Variants in TECTA observed in about 807,000 individuals in gnomAD.
TECTA encodes the protein alpha-tectorin.
Under a neutral mutation model 216.8 loss-of-function variants are expected in TECTA, and 128 were observed. The observed-to-expected ratio is 0.59, with a 90% CI of 0.51 to 0.68. The LOEUF is 0.68. TECTA is among the 30% of genes least tolerant of loss of function. TECTA has a pLI of 0.00. For synonymous variants in TECTA, 1,089 were observed against 1,117.1 expected (o/e 0.97, Z 0.50); for missense variants, 2,551 against 2,786.2 (o/e 0.92, Z 1.90).
intron 10 of TECTA, 141 bp from the exon 11 acceptor site, chr11:121,137,280 A>G (rs1414614504): frequency 1.8e-6 from 2 of 1,108,558 alleles, no homozygotes; most frequent in Non-Finnish European, 2.7e-6. Context: ...GCACAAATGC[A>G]TGCATACACA....
At position 121,118,678 on chromosome 11, in the gene TECTA, A is replaced by G. The variant is rs1457570697; in HGVS notation, c.1163A>G (p.Tyr388Cys). The change falls in exon 7 of 24, where the codon TAC (tyrosine) becomes TGC (cysteine). Residue 388 changes from tyrosine to cysteine, a missense_variant. Coordinates refer to ENST00000392793, the MANE Select transcript of TECTA (RefSeq NM_005422.4). ...GAGCTCTCAGTGGAGGTGAATGGCT[A>G]CAAGATTCTCATCCCCAAAGGAAGC... The part of the protein sequence containing the change: ...VKELSVEVNG[Y>C]KILIPKGSYG... The G allele has an allele frequency of 6.2e-7, 1 of 1,613,980 alleles. No homozygotes were observed. The highest frequency in any genetic ancestry group is 1.7e-5 in the Admixed American group (1 of 60,018).
chr11:121,138,311 A>T lies in TECTA; in HGVS notation c.3543+289A>T, dbSNP rs1236302425. 2.0e-5 allele frequency among the ~76,000 whole-genome samples: 3 copies of T among 152,236 alleles called. No individual in the cohort carries two copies. The East Asian group carries it at 5.8e-4, about 29-fold the overall frequency. On this transcript the variant is annotated intron_variant, in intron 11 of 23. Transcript: ENST00000392793. ...CAGCAGAGCATGCTGGAGAGAGCACAGACCGAGGTTAGCATCCCTGCTTGG... is the reference window on the plus strand; with the variant it reads ...CAGCAGAGCATGCTGGAGAGAGCACTGACCGAGGTTAGCATCCCTGCTTGG...
rs1263854753 is a variant in TECTA, at chr11:121,158,054, G to A, written c.4519G>A (p.Ala1507Thr). ...TFDGAFLRFP[A>T]NCAFVLSTIC... is the part of the protein sequence containing the mutation. ...CGACGGCGCCTTCCTGCGCTTCCCA[G>A]CCAACTGCGCCTTCGTGCTGTCCAC... Residue 1507 changes from alanine (A) to threonine (T), a missense_variant, in exon 14 of 24, where the codon GCC (alanine) becomes ACC (threonine). By Grantham distance (58) the Ala-to-Thr change is moderately conservative. Around this residue, in one of 3 missense-constraint regions of TECTA, gnomAD observed 2,375 missense variants for 2,563.9 expected, o/e 0.93. Coordinates refer to ENST00000392793, the MANE Select transcript of TECTA (RefSeq NM_005422.4). The A allele has an allele frequency of 1.2e-6, 2 of 1,613,484 alleles. No individual in the cohort carries two copies. The highest frequency in any genetic ancestry group is 4.5e-5 in the East Asian group (2 of 44,892).
chr11:121,152,848 C>T (rs768317928), intron 12 of TECTA, 33 bp from the exon 13 acceptor site: 10 of 1,574,794 alleles, frequency 6.4e-6, no homozygotes, highest in Non-Finnish European at 7.8e-6. Context: ...GCCTTGTGAT[C>T]GTGCGAGTCT....
intron 10 of TECTA, among the ~76,000 whole-genome samples, 191 bp downstream of exon 10, chr11:121,130,402 CT>C (rs1432333563): frequency 2.6e-5 from 4 of 152,166 alleles, no homozygotes; most frequent in African/African-American, 9.7e-5. Flanking sequence ...CTCATCTTTA[CT>C]TTTTTTCCTA....
intron 11 of TECTA, among the ~76,000 whole-genome samples, chr11:121,139,683 C>A (rs1419689640): frequency 7.7e-6 from 1 of 130,334 alleles, no homozygotes; most frequent in Non-Finnish European, 1.5e-5. Flanking sequence ...GAGCAAGACT[C>A]TGTCTCAAAA....
intron 11 of TECTA, among the ~76,000 whole-genome samples, chr11:121,145,002 C>T (rs11218161): frequency 0.23 from 34,246 of 152,024 alleles, 4,153 homozygotes; most frequent in Non-Finnish European, 0.27. Flanking sequence ...TAATTCTGAC[C>T]ACGGGCTCAG....
In TECTA at chr11:121,187,895, C is replaced by T. The variant is rs2134215602; in HGVS notation, c.6063C>T (p.Arg2021=). 1 of 1,614,236 alleles carries T rather than the reference C, an allele frequency of 6.2e-7. No individual in the cohort carries two copies. Among genetic ancestry groups the T allele is most frequent in the Non-Finnish European group, 8.5e-7 (1 of 1,180,050 alleles). ...AGAATGCAGTCTCCCTGACCTGTCG[C>T]TTTCACGTCACCGTCTTTAAATTCA... ...IEENAVSLTC[R]FHVTVFKFIG... Residue 2021 remains arginine (R), a synonymous_variant, in exon 21 of 24, where the codon CGC becomes CGT. Coordinates refer to ENST00000392793, the MANE Select transcript of TECTA (RefSeq NM_005422.4).
In TECTA at chr11:121,113,121, C is replaced by T. The variant is rs762912420; in HGVS notation, c.536C>T (p.Thr179Ile). The T allele has an allele frequency of 5.6e-5, 90 of 1,614,134 alleles. No individual in the cohort carries two copies. The highest frequency in any genetic ancestry group is 7.5e-5 in the Non-Finnish European group (89 of 1,180,028). Residue 179 changes from threonine to isoleucine, a missense_variant, in exon 5 of 24, where the codon ACC (threonine) becomes ATC (isoleucine). Transcript: ENST00000392793. The surrounding 1 kb of genome is among the most constrained non-coding windows in gnomAD (Gnocchi z 4.2). ...GTGTCCGATGGCTCCTATACATTCACCCTCTTCAATTATTACGAAATCAAC... is the reference window on the plus strand; with the variant it reads ...GTGTCCGATGGCTCCTATACATTCATCCTCTTCAATTATTACGAAATCAAC... ...VLVSDGSYTF[T>I]LFNYYEINWT...
chr11:121,125,427 C>G lies in TECTA; in HGVS notation c.1329C>G (p.His443Gln), dbSNP rs1946598717. 1 of 1,614,222 alleles carries G rather than the reference C, an allele frequency of 6.2e-7. No individual in the cohort carries two copies. The highest frequency in any genetic ancestry group is 8.5e-7 in the Non-Finnish European group (1 of 1,180,040). Residue 443 changes from histidine to glutamine, a missense_variant, in exon 8 of 24, where the codon CAC (histidine) becomes CAG (glutamine). Physicochemically the swap from His to Gln is conservative, Grantham distance 24. Around this residue, in one of 3 missense-constraint regions of TECTA, gnomAD observed 2,375 missense variants for 2,563.9 expected, o/e 0.93. Transcript: ENST00000392793. ...TCTTAGTGACTTTTGATGGCCAGCA[C>G]TACGCCTCCATTTCCGTCCCAGGCT... ...FGLLVTFDGQ[H>Q]YASISVPGSY...
Position 121,125,554 on chromosome 11 carries a change from C to A in TECTA, c.1456C>A (p.Leu486Met). 1 of 1,614,150 alleles carries A rather than the reference C, an allele frequency of 6.2e-7. No individual in the cohort carries two copies. The highest frequency in any genetic ancestry group is 8.5e-7 in the Non-Finnish European group (1 of 1,180,044). Reference sequence around the variant, plus strand: ...CAGGCCGGCCATGTCTGTCCTGGATCTGGGAGAGAGCTGGCGTGTGTACCA... The same window carrying A: ...CAGGCCGGCCATGTCTGTCCTGGATATGGGAGAGAGCTGGCGTGTGTACCA... ...DGRPAMSVLD[L>M]GESWRVYHAD... The change falls in exon 8 of 24, where the codon CTG becomes ATG. Residue 486 changes from leucine (L) to methionine (M), a missense_variant. By Grantham distance (15) the Leu-to-Met change is conservative. Transcript: ENST00000392793.
chr11:121,130,166 A>T lies in TECTA; in HGVS notation c.2896A>T (p.Asn966Tyr). Residue 966 changes from asparagine to tyrosine, a missense_variant, in exon 10 of 24, where the codon AAT becomes TAT. By Grantham distance (143) the Asn-to-Tyr change is moderately radical. Coordinates refer to ENST00000392793, the MANE Select transcript of TECTA (RefSeq NM_005422.4). The stretch of plus-strand genomic sequence containing the variant: ...GGCCCGGTATGCAAGCGCCTGCAAG[A>T]ATGCGGACGTGGAGGTGGGGCCCTG... Reference protein sequence around the residue: ...SVARYASACKNADVEVGPWRT... With the variant: ...SVARYASACKYADVEVGPWRT... 6.2e-7 allele frequency: 1 copy of T among 1,605,068 alleles called. No homozygotes were observed. The highest frequency in any genetic ancestry group is 8.5e-7 in the Non-Finnish European group (1 of 1,179,970).
intron 11 of TECTA, 64 bp from the exon 12 acceptor site, chr11:121,145,491 T>G: frequency 6.4e-7 from 1 of 1,565,116 alleles, no homozygotes; most frequent in Non-Finnish European, 8.8e-7. Flanking sequence ...GACTCATCGT[T>G]AGGAGAAGAG....
chr11:121,111,966 AT>A (rs943321638), intron 4 of TECTA, among the ~76,000 whole-genome samples: 26 of 152,140 alleles, frequency 1.7e-4, no homozygotes, highest in African/African-American at 6.0e-4. Context: ...GAATGGGGAG[AT>A]TTGGGGCTTC....
chr11:121,166,421 T>C lies in TECTA; in HGVS notation c.5384-157T>C, dbSNP rs558823385. On this transcript the variant is annotated intron_variant, in intron 17 of 23. Transcript: ENST00000392793. ...TACTGCTTTGAATGAATTCATATGC[T>C]CATTTGGTTTGATCAAAGCATAATT... Among the ~76,000 whole-genome samples, 57 of 152,334 alleles carry C rather than the reference T, an allele frequency of 3.7e-4. No homozygotes were observed. The South Asian group carries it at 6.4e-3, about 17-fold the overall frequency.
At chr11:121,104,565 G>C (rs1946374660) in intron 2 of TECTA, among the ~76,000 whole-genome samples, 1 of 152,166 alleles carries the variant, frequency 6.6e-6, no homozygotes, top group African/African-American at 2.4e-5. Flanking sequence ...CTGGAGAGCT[G>C]GCTCTTGGCC....
intron 12 of TECTA, among the ~76,000 whole-genome samples, chr11:121,151,294 T>C (rs1946887278): frequency 6.6e-6 from 1 of 152,202 alleles, no homozygotes; most frequent in African/African-American, 2.4e-5. Flanking sequence ...GTAATTCCAC[T>C]TTCAGTAATT....
chr11:121,119,824 C>T (rs994229035), intron 7 of TECTA, among the ~76,000 whole-genome samples: 3 of 152,210 alleles, frequency 2.0e-5, no homozygotes, highest in Admixed American at 6.5e-5. Context: ...TTATCAGTCT[C>T]ATTATGAGGA....
At chr11:121,137,120 A>G (rs1946734917) in intron 10 of TECTA, among the ~76,000 whole-genome samples, 1 of 152,200 alleles carries the variant, frequency 6.6e-6, no homozygotes, top group South Asian at 2.1e-4. Context: ...AATCACACAC[A>G]TGGATACTCA....
Sources: gnomAD v4.1 joint callset for allele counts (sites outside exome capture counted in the v4.1 genomes callset) on GRCh38, gnomAD v4.1.1 for gene constraint, gnomAD v4.1.1 regional missense constraint, Gnocchi (gnomAD v3.1) non-coding constraint, MANE v1.5 for transcripts, NCBI Gene and HGNC (gene_info 2026-07-23, HGNC 2026-07-21) for gene names.